NDST3: variants seen among roughly 807,000 people sequenced by gnomAD.
The protein encoded by NDST3 is N-deacetylase and N-sulfotransferase 3.
Under a neutral mutation model 96.1 loss-of-function variants are expected in NDST3, and 58 were observed. That is an observed-to-expected ratio of 0.60 (90% CI 0.49 to 0.75). NDST3 has a LOEUF of 0.75. NDST3 is among the 30% of genes least tolerant of loss of function. The pLI is 0.00. For synonymous variants in NDST3, 333 were observed against 359.7 expected (o/e 0.93, Z 0.84); for missense variants, 788 against 1,034.2 (o/e 0.76, Z 3.27).
chr4:118,184,602 TAC>T (rs562099266), intron 6 of NDST3, among the ~76,000 whole-genome samples: 3,118 of 138,466 alleles, frequency 0.023, 71 homozygotes, highest in African/African-American at 0.057. Context: ...TCTCTCTCTC[TAC>T]ACACACACAC....
At chr4:118,223,638 T>A (rs1385935572) in intron 6 of NDST3, among the ~76,000 whole-genome samples, 1 of 152,068 alleles carries the variant, frequency 6.6e-6, no homozygotes, top group Non-Finnish European at 1.5e-5. Context: ...CATAACTTTT[T>A]CTCTCATCTC....
At chr4:118,194,960 G>A (rs765376636) in intron 6 of NDST3, among the ~76,000 whole-genome samples, 78 of 152,220 alleles carry the variant, frequency 5.1e-4, no homozygotes, top group Middle Eastern at 6.8e-3. Context: ...TTTTGCTCAG[G>A]ATAGCTTTGA....
At chr4:118,110,143 G>A (rs1730521757) in intron 3 of NDST3, among the ~76,000 whole-genome samples, 1 of 152,134 alleles carries the variant, frequency 6.6e-6, no homozygotes, top group Admixed American at 6.5e-5. Context: ...AATGGCAAAA[G>A]ATTCTCCTTA....
At chr4:118,114,041 G>A (rs957492160) in intron 3 of NDST3, among the ~76,000 whole-genome samples, 2 of 152,038 alleles carry the variant, frequency 1.3e-5, no homozygotes, top group African/African-American at 4.8e-5. Context: ...GAAATAAAAT[G>A]AGTTCAAGTA....
chr4:118,225,425 A>G (rs1205577814), intron 7 of NDST3, among the ~76,000 whole-genome samples: 1 of 152,182 alleles, frequency 6.6e-6, no homozygotes, highest in African/African-American at 2.4e-5. Flanking sequence ...AACTCATTTA[A>G]TCCTCACAAC....
At chr4:118,108,442 T>C (rs1375746092) in intron 3 of NDST3, among the ~76,000 whole-genome samples, 4 of 152,238 alleles carry the variant, frequency 2.6e-5, no homozygotes, top group Admixed American at 2.6e-4. Context: ...CAAATGCTTT[T>C]CAAATTTTTC....
At chr4:118,117,665 C>A (rs899384171) in intron 4 of NDST3, among the ~76,000 whole-genome samples, 1 of 152,106 alleles carries the variant, frequency 6.6e-6, no homozygotes, top group African/African-American at 2.4e-5. Flanking sequence ...GATGAAGCAA[C>A]TGAGAATCAG....
intron 1 of NDST3, among the ~76,000 whole-genome samples, chr4:118,040,612 C>A (rs1020979108): frequency 6.6e-6 from 1 of 151,970 alleles, no homozygotes; most frequent in Non-Finnish European, 1.5e-5. Context: ...TGTGTTATTT[C>A]TATTATCATC....
intron 12 of NDST3, among the ~76,000 whole-genome samples, chr4:118,248,277 G>C (rs879270417): frequency 6.6e-6 from 1 of 152,058 alleles, no homozygotes; most frequent in Non-Finnish European, 1.5e-5. Context: ...CTTGAATCCA[G>C]CAGGTTGAGG....
chr4:118,101,918 G>A (rs937383040), intron 2 of NDST3, among the ~76,000 whole-genome samples: 14 of 151,970 alleles, frequency 9.2e-5, no homozygotes, highest in African/African-American at 2.9e-4. Flanking sequence ...ACAAAATTTG[G>A]TTTTGGAAGA....
chr4:118,063,189 TAAA>T (rs11299569), intron 2 of NDST3, among the ~76,000 whole-genome samples: 31 of 143,786 alleles, frequency 2.2e-4, no homozygotes, highest in Admixed American at 2.7e-4. Flanking sequence ...AAACTCCGTT[TAAA>T]AAAAAAAAAA....
At chr4:118,070,315 T>A (rs1284450656) in intron 2 of NDST3, among the ~76,000 whole-genome samples, 2 of 152,066 alleles carry the variant, frequency 1.3e-5, no homozygotes, top group Non-Finnish European at 2.9e-5. Context: ...GAACACTGCT[T>A]CTGAGAATTA....
At chr4:118,184,966 C>A (rs1736846567) in intron 6 of NDST3, among the ~76,000 whole-genome samples, 1 of 152,026 alleles carries the variant, frequency 6.6e-6, no homozygotes, top group African/African-American at 2.4e-5. Flanking sequence ...AATTGAGGCA[C>A]AAATGAATAA....
At chr4:118,213,731 AT>A (rs1240260780) in intron 6 of NDST3, among the ~76,000 whole-genome samples, 1 of 150,092 alleles carries the variant, frequency 6.7e-6, no homozygotes, top group African/African-American at 2.4e-5. Flanking sequence ...AATTTATAAT[AT>A]ATACTTTTTT....
At chr4:118,081,154 G>A (rs1727976781) in intron 2 of NDST3, among the ~76,000 whole-genome samples, 1 of 152,174 alleles carries the variant, frequency 6.6e-6, no homozygotes, top group Non-Finnish European at 1.5e-5. Flanking sequence ...GTTTTGTGAT[G>A]TGAACAGGGT....
intron 2 of NDST3, among the ~76,000 whole-genome samples, chr4:118,078,968 A>G (rs1385651020): frequency 1.3e-5 from 2 of 152,190 alleles, no homozygotes; most frequent in African/African-American, 2.4e-5. Context: ...TGAACATAAC[A>G]TGTACTGGGA....
In NDST3 at chr4:118,053,924, T is replaced by A; in HGVS notation, c.14T>A (p.Met5Lys). The A allele has an allele frequency of 6.2e-7, 1 of 1,601,680 alleles. No individual in the cohort carries two copies. The highest frequency in any genetic ancestry group is 8.5e-7 in the Non-Finnish European group (1 of 1,172,862). Reference protein sequence around the residue: MSFIMKLHRHFQRTV... With the variant: MSFIKKLHRHFQRTV... ...AGCACCTACAACATGAGTTTTATCA[T>A]GAAGCTTCACAGACACTTTCAAAGA... The change falls in exon 2 of 14, where the codon ATG (methionine) becomes AAG (lysine). Residue 5 changes from methionine (M) to lysine (K), a missense_variant. Around this residue, in one of 3 missense-constraint regions of NDST3, gnomAD observed 234 missense variants for 256.9 expected, o/e 0.91. Coordinates refer to ENST00000296499, the MANE Select transcript of NDST3 (RefSeq NM_004784.3).
At chr4:118,208,709 C>T (rs1333091602) in intron 6 of NDST3, among the ~76,000 whole-genome samples, 5 of 144,230 alleles carry the variant, frequency 3.5e-5, no homozygotes, top group African/African-American at 1.3e-4. Flanking sequence ...TTACTCTCTA[C>T]TTAAAGAACT....
chr4:118,149,235 C>A (rs1236892536), intron 6 of NDST3, among the ~76,000 whole-genome samples: 1 of 152,002 alleles, frequency 6.6e-6, no homozygotes, highest in East Asian at 1.9e-4. Flanking sequence ...CTTGGCGATG[C>A]GGGCTCTTTT....
Sources: gnomAD v4.1 joint callset for allele counts (sites outside exome capture counted in the v4.1 genomes callset) on GRCh38, gnomAD v4.1.1 for gene constraint, gnomAD v4.1.1 regional missense constraint, MANE v1.5 for transcripts, NCBI Gene and HGNC (gene_info 2026-07-23, HGNC 2026-07-21) for gene names.